GRK6: variants seen among roughly 807,000 people sequenced by gnomAD.
The protein encoded by GRK6 is G protein-coupled receptor kinase 6.
Under a neutral mutation model 80.8 loss-of-function variants are expected in GRK6, and 37 were observed. The observed-to-expected ratio is 0.46, with a 90% CI of 0.35 to 0.60. GRK6 has a LOEUF of 0.60. GRK6 is among the 20% of genes least tolerant of loss of function. The pLI, the probability that GRK6 is intolerant of heterozygous loss-of-function variation, is 0.00. For synonymous variants in GRK6, 295 were observed against 320.9 expected (o/e 0.92, Z 0.86); for missense variants, 560 against 784.6 (o/e 0.71, Z 3.42).
At chr5:177,430,586 A>G (rs1263510478) in intron 1 of GRK6, 1 of 411,418 alleles carries the variant, frequency 2.4e-6, no homozygotes, top group Admixed American at 4.0e-5. Flanking sequence ...CCTGGCGGGA[A>G]GCAACTGGGG....
chr5:177,439,958 C>G (rs557403572), intron 13 of GRK6: 1 of 152,338 alleles, frequency 6.6e-6, no homozygotes, highest in South Asian at 2.1e-4. Context: ...CACTTTTTGG[C>G]TGTTATTGCT....
At position 177,442,105 on chromosome 5, in the gene GRK6, C is replaced by T. The variant is rs2731663; in HGVS notation, c.*315C>T. 8,957 of 363,858 alleles carry T rather than the reference C, an allele frequency of 0.025. 180 individuals are homozygous for T. Among genetic ancestry groups the T allele is most frequent in the East Asian group, 0.068 (1,334 of 19,672 alleles). The allele number at this position is 363,858 out of a possible 1,614,324, so 22.5% of individuals were successfully genotyped here. On this transcript the variant is annotated 3_prime_UTR_variant, in exon 16 of 16. Transcript: ENST00000355472. ...ATTCCCGCCGCAGACCTGGCGCCCC[C>T]GCCTTGGCTCCTGGGGGCAGCCAGC... is the stretch of plus-strand genomic sequence containing the variant.
At chr5:177,439,303 C>T (rs1764334886) in intron 13 of GRK6, among the ~76,000 whole-genome samples, 1 of 152,142 alleles carries the variant, frequency 6.6e-6, no homozygotes, top group Non-Finnish European at 1.5e-5. Flanking sequence ...CTTTGGGAGG[C>T]CAAGGTGAGT....
rs1294986066 is a variant in GRK6 at position 177,433,991 on chromosome 5, G to A, written c.816G>A (p.Lys272=). The A allele has an allele frequency of 6.2e-7, 1 of 1,612,988 alleles. No homozygotes were observed. The highest frequency in any genetic ancestry group is 1.3e-5 in the African/African-American group (1 of 74,916). The change falls in exon 9 of 16, where the codon AAG becomes AAA. Residue 272 remains lysine, a synonymous_variant. Coordinates refer to ENST00000355472, the MANE Select transcript of GRK6 (RefSeq NM_001004106.3). The stretch of plus-strand genomic sequence containing the variant: ...CACTGATGAACGGGGGCGACCTCAA[G>A]TTCCACATCTACCACATGGGCCAGG... ...VLTLMNGGDL[K]FHIYHMGQAG...
chr5:177,425,794 G>A (rs1763625451), upstream of GRK6, among the ~76,000 whole-genome samples: 1 of 152,278 alleles, frequency 6.6e-6, no homozygotes, highest in African/African-American at 2.4e-5. Flanking sequence ...AGGGGGTGGA[G>A]GAAGCGGGGT....
intron 14 of GRK6, 27 bp from the exon 15 acceptor site, chr5:177,440,892 C>G: frequency 6.2e-7 from 1 of 1,613,798 alleles, no homozygotes; most frequent in African/African-American, 1.3e-5. Context: ...CTGGGGACAG[C>G]TGTCACAGCC....
chr5:177,431,318 G>A (rs376761077), intron 2 of GRK6, among the ~76,000 whole-genome samples: 1 of 152,196 alleles, frequency 6.6e-6, no homozygotes, highest in East Asian at 1.9e-4. Context: ...ACTGCCTTGG[G>A]ACCCCCAGGC....
intron 13 of GRK6, among the ~76,000 whole-genome samples, chr5:177,439,215 A>G (rs887249263): frequency 1.3e-5 from 2 of 152,156 alleles, no homozygotes; most frequent in African/African-American, 4.8e-5. Context: ...AATTTATATG[A>G]TTTATATACC....
Position 177,441,546 on chromosome 5 carries a change from G to A in GRK6, c.1678-191G>A, listed in dbSNP as rs1410421140. 2.0e-5 allele frequency among the ~76,000 whole-genome samples: 3 copies of A among 152,152 alleles called. No individual in the cohort carries two copies. In the East Asian group the frequency reaches 5.8e-4, roughly 29 times the overall value. On this transcript the variant is annotated intron_variant, in intron 15 of 15. Transcript: ENST00000355472. ...CTTCAGTCTGTTGCCGGCAGCCTCT[G>A]CAATGACGCCCACCCACGTGTGGCC...
intron 11 of GRK6, among the ~76,000 whole-genome samples, chr5:177,435,432 C>T (rs1764099168): frequency 6.6e-6 from 1 of 152,262 alleles, no homozygotes; most frequent in Admixed American, 6.5e-5. Flanking sequence ...CCTCCCTGTG[C>T]CCATCTGTGA....
chr5:177,431,688 C>T (rs764149261), intron 2 of GRK6: 6 of 423,418 alleles, frequency 1.4e-5, no homozygotes, highest in Non-Finnish European at 2.6e-5. Flanking sequence ...CACCCAACCC[C>T]AGTACCGTGA....
chr5:177,433,156 C>T lies in GRK6; in HGVS notation c.450C>T (p.His150=), dbSNP rs778408306. 7.4e-6 allele frequency: 12 copies of T among 1,613,672 alleles called. No homozygotes were observed. The highest frequency in any genetic ancestry group is 4.5e-5 in the East Asian group (2 of 44,902). ...DLFQELTRLT[H]EYLSVAPFAD... ...TGCCTTTCCTCAACAGGCTGACCCA[C>T]GAGTACCTGAGCGTGGCCCCTTTTG... Residue 150 remains histidine (H), a synonymous_variant, in exon 6 of 16, where the codon CAC becomes CAT. Coordinates refer to ENST00000355472, the MANE Select transcript of GRK6 (RefSeq NM_001004106.3).
At chr5:177,426,964 G>T (rs1581670367) in intron 1 of GRK6, 67 bp downstream of exon 1, 3 of 1,100,754 alleles carry the variant, frequency 2.7e-6, no homozygotes, top group African/African-American at 1.6e-5. Flanking sequence ...TCTGAGCTCC[G>T]CAGGGCTACC....
rs1321548340 is a variant in GRK6, at chr5:177,435,020, A to C, written c.968-12A>C. On this transcript the variant is annotated splice_polypyrimidine_tract_variant and intron_variant, in intron 10 of 15. Transcript: ENST00000355472. Reference sequence around the variant, plus strand: ...TGTTAACGGGTCCACCTGTTTCTCCACCCACACTCAGGCCACATCCGCATC... The same window carrying C: ...TGTTAACGGGTCCACCTGTTTCTCCCCCCACACTCAGGCCACATCCGCATC... The C allele has an allele frequency of 1.1e-5, 17 of 1,612,810 alleles. No homozygotes were observed. The highest frequency in any genetic ancestry group is 1.4e-5 in the Non-Finnish European group (17 of 1,179,728).
chr5:177,433,790 G>A (rs1764016243), intron 8 of GRK6, 114 bp downstream of exon 8: 17 of 1,526,300 alleles, frequency 1.1e-5, no homozygotes, highest in African/African-American at 1.4e-5. Flanking sequence ...GGTTTGGGGT[G>A]TTGACACCAG....
chr5:177,433,581 A>C lies in GRK6; in HGVS notation c.643A>C (p.Lys215Gln). 6.2e-7 allele frequency: 1 copy of C among 1,614,138 alleles called. No individual in the cohort carries two copies. Among genetic ancestry groups the C allele is most frequent in the Non-Finnish European group, 8.5e-7 (1 of 1,180,028 alleles). Residue 215 changes from lysine to glutamine, a missense_variant, in exon 8 of 16, where the codon AAG (lysine) becomes CAG (glutamine). Lys to Gln is a moderately conservative substitution (Grantham distance 53). Transcript: ENST00000355472. ...GGCCACAGGTAAGATGTATGCCTGCAAGAAGCTAGAGAAAAAGCGGATCAA... is the reference window on the plus strand; with the variant it reads ...GGCCACAGGTAAGATGTATGCCTGCCAGAAGCTAGAGAAAAAGCGGATCAA... ...VRATGKMYACKKLEKKRIKKR... is the reference protein window; with the variant it reads ...VRATGKMYACQKLEKKRIKKR...
intron 8 of GRK6, 95 bp from the exon 9 acceptor site, chr5:177,433,819 G>A (rs948089576): frequency 8.0e-6 from 12 of 1,491,996 alleles, no homozygotes; most frequent in Non-Finnish European, 1.1e-5. Context: ...AGCAGGCTGG[G>A]CCCAAGGAGT....
At chr5:177,425,704 A>G (rs1033425382), upstream of GRK6, among the ~76,000 whole-genome samples, 1 of 152,242 alleles carries the variant, frequency 6.6e-6, no homozygotes. Context: ...ATGAATGCAT[A>G]GGAACTAGAG....
At position 177,440,193 on chromosome 5, in the gene GRK6, G is replaced by T. The variant is rs1581690948; in HGVS notation, c.1405-507G>T. Among the ~76,000 whole-genome samples the T allele has an allele frequency of 2.0e-5, 3 of 152,360 alleles. No homozygotes were observed. The South Asian group carries it at 6.2e-4, about 32-fold the overall frequency. ...CAATGTTAAGATAAAAAAAGAAGGT[G>T]GCCGCCTGGAGCTGAGGTGGGCTCC... On this transcript the variant is annotated intron_variant, in intron 13 of 15. Transcript: ENST00000355472.
Sources: allele counts gnomAD v4.1 joint callset (sites outside exome capture counted in the v4.1 genomes callset), GRCh38; gene constraint gnomAD v4.1.1; transcripts MANE v1.5; gene names NCBI Gene and HGNC (gene_info 2026-07-23, HGNC 2026-07-21).